Variants in OR56A3 observed in about 807,000 individuals in gnomAD.
OR56A3 encodes olfactory receptor family 56 subfamily A member 3.
Under a neutral mutation model 17.5 loss-of-function variants are expected in OR56A3, and 23 were observed. The observed-to-expected ratio is 1.32, with a 90% CI of 0.95 to 1.87. The LOEUF (loss-of-function observed/expected upper bound fraction) is 1.87, where lower values mean the gene tolerates loss of function less well. OR56A3 is among the 40% of genes most tolerant of loss of function. The pLI is 0.00. For synonymous variants in OR56A3, 175 were observed against 150.6 expected (o/e 1.16, Z -1.19); for missense variants, 366 against 380.1 (o/e 0.96, Z 0.31).
At chr11:5,996,365 T>A in the OR56A3 span, among the ~76,000 whole-genome samples, 1 of 152,166 alleles carries the variant, frequency 6.6e-6, no homozygotes, top group Non-Finnish European at 1.5e-5. Context: ...AGAACAGAGA[T>A]AATCAACACA....
the OR56A3 span, among the ~76,000 whole-genome samples, chr11:6,007,774 G>C: frequency 1.3e-5 from 2 of 152,162 alleles, no homozygotes; most frequent in Admixed American, 1.3e-4. Context: ...AGTACTAGAG[G>C]AACATTCCCA....
At chr11:6,017,221 T>G in the OR56A3 span, 3 of 152,090 alleles carry the variant, frequency 2.0e-5, no homozygotes, top group Non-Finnish European at 4.4e-5. Flanking sequence ...AGAGAAGAGA[T>G]AAGCAAATGC....
At chr11:6,001,910 C>G in the OR56A3 span, 1 of 729,682 alleles carries the variant, frequency 1.4e-6, no homozygotes, top group Non-Finnish European at 2.1e-6. Flanking sequence ...TTCATTGTTG[C>G]CTGAGATATT....
At chr11:5,987,789 C>T in the OR56A3 span, among the ~76,000 whole-genome samples, 1 of 152,256 alleles carries the variant, frequency 6.6e-6, no homozygotes, top group South Asian at 2.1e-4. Flanking sequence ...AATATCACTA[C>T]CTTAGTTTAC....
the OR56A3 span, among the ~76,000 whole-genome samples, chr11:5,989,129 C>G: frequency 6.6e-6 from 1 of 152,212 alleles, no homozygotes; most frequent in African/African-American, 2.4e-5. Context: ...CTTGAAATAA[C>G]AATGACATTT....
chr11:5,977,965 C>T, the OR56A3 span, among the ~76,000 whole-genome samples: 1 of 152,198 alleles, frequency 6.6e-6, no homozygotes, highest in Admixed American at 6.6e-5. Flanking sequence ...AATAGGGAAA[C>T]TTTCCCCCAT....
chr11:5,992,099 A>T, the OR56A3 span, among the ~76,000 whole-genome samples: 2 of 152,216 alleles, frequency 1.3e-5, no homozygotes, highest in South Asian at 2.1e-4. Context: ...GGGAAATTTC[A>T]CATTGCTCTG....
the OR56A3 span, among the ~76,000 whole-genome samples, chr11:5,961,083 G>A: frequency 0.015 from 2,225 of 151,394 alleles, 47 homozygotes; most frequent in African/African-American, 0.049. Flanking sequence ...CGCCCCATCC[G>A]GGAGCTGGGG....
rs572886848 is a variant in OR56A3 at position 5,949,830 on chromosome 11, T to G, written c.*1536T>G. ...TATCCTGGAATTGAAACCTACTGAT[T>G]GAAAAATAAGCATGTACCACATATA... is the stretch of plus-strand genomic sequence containing the variant. On this transcript the variant is annotated 3_prime_UTR_variant, in exon 3 of 3. Coordinates refer to ENST00000641160, the MANE Select transcript of OR56A3 (RefSeq NM_001003443.3). 1.3e-5 allele frequency: 2 copies of G among 152,254 alleles called. No homozygotes were observed. Among genetic ancestry groups the G allele is most frequent in the East Asian group, 3.9e-4 (2 of 5,178 alleles). 9.4% of individuals were successfully genotyped at this position (152,254 alleles called of 1,614,324 possible).
chr11:5,953,896 G>A (rs1847920235), downstream of OR56A3, among the ~76,000 whole-genome samples: 1 of 152,102 alleles, frequency 6.6e-6, no homozygotes, highest in East Asian at 1.9e-4. Flanking sequence ...AGATGGGGGG[G>A]ACTCATTGAT....
At chr11:5,967,993 G>A in the OR56A3 span, 123,330 of 1,588,834 alleles carry the variant, frequency 0.078, 5,403 homozygotes, top group Non-Finnish European at 0.085. Flanking sequence ...TATCTGAGTC[G>A]AGAAGAAAGT....
chr11:5,986,648 T>A, the OR56A3 span: 1 of 1,613,852 alleles, frequency 6.2e-7, no homozygotes, highest in Non-Finnish European at 8.5e-7. Context: ...TTGGGTGCAG[T>A]GGAGGAGGCC....
chr11:5,988,919 C>T, the OR56A3 span, among the ~76,000 whole-genome samples: 1 of 152,180 alleles, frequency 6.6e-6, no homozygotes, highest in Non-Finnish European at 1.5e-5. Context: ...TGGTGGTGCA[C>T]ATGTGCGTGT....
the OR56A3 span, among the ~76,000 whole-genome samples, chr11:5,965,430 G>T: frequency 6.6e-6 from 1 of 152,116 alleles, no homozygotes; most frequent in Non-Finnish European, 1.5e-5. Flanking sequence ...ATAAAAATCA[G>T]TGTTATCCCA....
the OR56A3 span, chr11:6,021,958 C>T: frequency 6.6e-6 from 1 of 152,082 alleles, no homozygotes; most frequent in African/African-American, 2.4e-5. Context: ...AATAGAGAGA[C>T]AGAATATCAC....
chr11:6,015,853 TGACTTTG>T, the OR56A3 span, among the ~76,000 whole-genome samples: 1 of 152,192 alleles, frequency 6.6e-6, no homozygotes, highest in African/African-American at 2.4e-5. Flanking sequence ...GTCTTAAATG[TGACTTTG>T]GACTTTGGAC....
the OR56A3 span, among the ~76,000 whole-genome samples, chr11:5,997,830 A>C: frequency 2.0e-5 from 3 of 152,234 alleles, no homozygotes; most frequent in Non-Finnish European, 4.4e-5. Flanking sequence ...AATGGGCTAT[A>C]AAGCCTAACA....
chr11:6,016,953 G>C, the OR56A3 span: 1 of 151,988 alleles, frequency 6.6e-6, no homozygotes, highest in Non-Finnish European at 1.5e-5. Flanking sequence ...ACAGGCTTTT[G>C]AAAATAATTC....
the OR56A3 span, among the ~76,000 whole-genome samples, chr11:5,992,654 A>C: frequency 6.6e-6 from 1 of 152,162 alleles, no homozygotes; most frequent in African/African-American, 2.4e-5. Flanking sequence ...GCCATGGTGC[A>C]TGTAGGACAA....
Sources: allele counts gnomAD v4.1 joint callset (sites outside exome capture counted in the v4.1 genomes callset), GRCh38; gene constraint gnomAD v4.1.1; transcripts MANE v1.5; gene names NCBI Gene and HGNC (gene_info 2026-07-23, HGNC 2026-07-21).